The following PIP5K1C variants were observed in gnomAD, a reference collection of about 807,000 sequenced individuals.
PIP5K1C encodes phosphatidylinositol-4-phosphate 5-kinase type 1 gamma.
In PIP5K1C, 45 loss-of-function variants were observed where a neutral mutation model predicts 80.1. The ratio of observed to expected loss-of-function variants is 0.56; its 90% CI spans 0.44 to 0.72. The LOEUF (loss-of-function observed/expected upper bound fraction) is 0.72, where lower values mean the gene tolerates loss of function less well. Among genes scored for constraint, PIP5K1C ranks in the 30% least tolerant of loss-of-function variants. The pLI, the probability that PIP5K1C is intolerant of heterozygous loss-of-function variation, is 0.00. For synonymous variants in PIP5K1C, 498 were observed against 420.1 expected (o/e 1.19, Z -2.27); for missense variants, 753 against 954.6 (o/e 0.79, Z 2.78).
intron 1 of PIP5K1C, among the ~76,000 whole-genome samples, chr19:3,671,383 G>A (rs970145517): frequency 1.3e-5 from 2 of 152,260 alleles, no homozygotes; most frequent in South Asian, 2.1e-4. Context: ...CAGGCACCTC[G>A]GGGTCACCCG....
intron 1 of PIP5K1C, among the ~76,000 whole-genome samples, chr19:3,687,506 T>C (rs2035795695): frequency 6.7e-6 from 1 of 149,744 alleles, no homozygotes; most frequent in East Asian, 1.9e-4. Context: ...CACGCACACA[T>C]GCACATACAT....
intron 14 of PIP5K1C, among the ~76,000 whole-genome samples, chr19:3,642,572 C>T (rs993579577): frequency 6.6e-6 from 1 of 152,186 alleles, no homozygotes; most frequent in Admixed American, 6.5e-5. Context: ...AACCCACAGT[C>T]CCAGTGGTTG....
intron 1 of PIP5K1C, among the ~76,000 whole-genome samples, chr19:3,684,229 C>A: frequency 6.6e-6 from 1 of 152,148 alleles, no homozygotes; most frequent in East Asian, 1.9e-4. Context: ...ATGAGCATTT[C>A]TTTGCCTTAT....
intron 6 of PIP5K1C, among the ~76,000 whole-genome samples, chr19:3,655,955 G>A (rs182989878): frequency 3.3e-5 from 5 of 152,230 alleles, no homozygotes; most frequent in African/African-American, 1.2e-4. Flanking sequence ...GCTGCCTCAC[G>A]CCTGCCTGAG....
chr19:3,643,195 AC>A, intron 13 of PIP5K1C, 47 bp downstream of exon 13: 1 of 1,608,336 alleles, frequency 6.2e-7, no homozygotes, highest in Admixed American at 1.7e-5. Context: ...CCCCGCCCCC[AC>A]GCACAGCGGA....
chr19:3,658,447 C>G (rs2034712748), intron 5 of PIP5K1C, among the ~76,000 whole-genome samples: 1 of 152,262 alleles, frequency 6.6e-6, no homozygotes, highest in Non-Finnish European at 1.5e-5. Context: ...CCACAAATAT[C>G]CACAGGAAAC....
rs537408949 is a variant in PIP5K1C at position 3,666,854 on chromosome 19, CACT to C, written c.126+465_126+467del. ...ATAGGCTGCACACAGCCTCACTGTG[CACT>C]ACGCCTGTGTGGCTCACAGACACTG... On this transcript the variant is annotated intron_variant, in intron 2 of 17. Coordinates refer to ENST00000335312, the MANE Select transcript of PIP5K1C (RefSeq NM_012398.3). Among the ~76,000 whole-genome samples the C allele has an allele frequency of 3.3e-4, 51 of 152,388 alleles. 1 individual carries two copies. The highest frequency in any genetic ancestry group is 2.9e-3 in the South Asian group (14 of 4,832).
At chr19:3,659,331 T>C (rs1433830652) in intron 5 of PIP5K1C, among the ~76,000 whole-genome samples, 1 of 152,184 alleles carries the variant, frequency 6.6e-6, no homozygotes, top group Non-Finnish European at 1.5e-5. Flanking sequence ...AGCAGAAGGA[T>C]TCGGGGGTCA....
chr19:3,697,352 CGAGCCAGACAGAGGAGGACT>C (rs1192014213), intron 1 of PIP5K1C, among the ~76,000 whole-genome samples: 2 of 149,762 alleles, frequency 1.3e-5, no homozygotes, highest in Admixed American at 6.6e-5. Context: ...CGGGGAGGAC[CGAGCCAGACAGAGGAGGACT>C]GAGCCAGACG....
intron 6 of PIP5K1C, 95 bp from the exon 7 acceptor site, chr19:3,653,684 G>A: frequency 8.5e-7 from 1 of 1,176,424 alleles, no homozygotes; most frequent in Non-Finnish European, 1.2e-6. Context: ...GCTCATGGAT[G>A]CCCCTGGCCA....
At chr19:3,635,012 G>A (rs1329775801) in intron 16 of PIP5K1C, among the ~76,000 whole-genome samples, 1 of 152,250 alleles carries the variant, frequency 6.6e-6, no homozygotes, top group African/African-American at 2.4e-5. Context: ...AACGTCCCTT[G>A]AGAGCCCGGC....
At chr19:3,647,465 AC>A (rs2034280271) in intron 9 of PIP5K1C, 79 bp from the exon 10 acceptor site, 14 of 1,200,564 alleles carry the variant, frequency 1.2e-5, no homozygotes, top group Non-Finnish European at 1.4e-5. Context: ...GCCACTGTGC[AC>A]CCCCCAGGAC....
chr19:3,699,092 C>G (rs1045903149), intron 1 of PIP5K1C, among the ~76,000 whole-genome samples: 4 of 151,388 alleles, frequency 2.6e-5, no homozygotes, highest in African/African-American at 9.7e-5. Context: ...GCTACTTTGT[C>G]TCTGACCAGC....
chr19:3,652,211 G>A (rs1379073676), intron 7 of PIP5K1C, among the ~76,000 whole-genome samples, 180 bp from the exon 8 acceptor site: 10 of 152,200 alleles, frequency 6.6e-5, no homozygotes, highest in Admixed American at 1.3e-4. Context: ...GAGGGGCTGC[G>A]GTCACACAGC....
chr19:3,639,727 G>C (rs748853194), intron 15 of PIP5K1C, among the ~76,000 whole-genome samples: 2 of 152,106 alleles, frequency 1.3e-5, no homozygotes, highest in Non-Finnish European at 2.9e-5. Context: ...TCCGAGCCCA[G>C]CCTCTTTGTT....
intron 1 of PIP5K1C, among the ~76,000 whole-genome samples, chr19:3,700,073 G>A (rs2145641836): frequency 6.6e-6 from 1 of 152,116 alleles, no homozygotes; most frequent in East Asian, 1.9e-4. Flanking sequence ...AGTCGCCCCC[G>A]GCCCGGGAGC....
intron 10 of PIP5K1C, 88 bp from the exon 11 acceptor site, chr19:3,646,146 T>TG (rs2034205675): frequency 2.6e-6 from 2 of 780,750 alleles, no homozygotes; most frequent in East Asian, 2.6e-5. Flanking sequence ...TGTATGTGTG[T>TG]GGGGGGCACC....
rs1372122335 is a variant in PIP5K1C at position 3,696,118 on chromosome 19, C to T, written c.94+4179G>A. Among the ~76,000 whole-genome samples, 2 of 152,182 alleles carry T rather than the reference C, an allele frequency of 1.3e-5. No individual in the cohort carries two copies. Among genetic ancestry groups the T allele is most frequent in the Non-Finnish European group, 1.5e-5 (1 of 68,026 alleles). Reference sequence around the variant, plus strand: ...CCTGCCCGGCCGCCCTGTGACCACACTACACTGTGCTCCAGGCAGGCGGGG... The same window carrying T: ...CCTGCCCGGCCGCCCTGTGACCACATTACACTGTGCTCCAGGCAGGCGGGG... On this transcript the variant is annotated intron_variant, in intron 1 of 17. Transcript: ENST00000335312. This position sits in a 1 kb window ranked among gnomAD's most constrained non-coding sequence, Gnocchi z 4.1.
chr19:3,638,721 G>A (rs562883297), intron 16 of PIP5K1C, among the ~76,000 whole-genome samples, 163 bp downstream of exon 16: 3 of 152,056 alleles, frequency 2.0e-5, no homozygotes, highest in Admixed American at 6.6e-5. Context: ...GCGTGTGGGC[G>A]TGTCGTGAGA....
Sources: allele counts gnomAD v4.1 joint callset (sites outside exome capture counted in the v4.1 genomes callset), GRCh38; gene constraint gnomAD v4.1.1; non-coding constraint Gnocchi (gnomAD v3.1); transcripts MANE v1.5; gene names NCBI Gene and HGNC (gene_info 2026-07-23, HGNC 2026-07-21).